Variants in UGT2A1 observed in about 807,000 individuals in gnomAD.
UGT2A1 encodes the protein UDP-glucuronosyltransferase 2A1.
A neutral mutation model predicts 45.4 loss-of-function variants in UGT2A1; 61 were observed. The observed-to-expected ratio is 1.34, with a 90% CI of 1.09 to 1.66. The LOEUF (loss-of-function observed/expected upper bound fraction) is 1.66. UGT2A1 is among the 40% of genes most tolerant of loss of function. The pLI is 0.00. For synonymous variants in UGT2A1, 229 were observed against 196.2 expected (o/e 1.17, Z -1.40); for missense variants, 649 against 574.3 (o/e 1.13, Z -1.33).
rs1181241423 is a variant in UGT2A1 at position 69,605,467 on chromosome 4, C to A, written c.848-6073G>T. Among the ~76,000 whole-genome samples, 2 of 136,540 alleles carry A rather than the reference C, an allele frequency of 1.5e-5. 1 individual carries two copies. The highest frequency in any genetic ancestry group is 3.1e-5 in the Non-Finnish European group (2 of 64,330). The allele number at this position is 136,540 out of a possible 152,430, so 89.6% of individuals were successfully genotyped here. ...AGCACTAAATGCCCACAGAACAGAG[C>A]AGGAAAGATCTAAAATTGACACCCC... On this transcript the variant is annotated intron_variant, in intron 3 of 6. Transcript: ENST00000286604.
At position 69,612,560 on chromosome 4, in the gene UGT2A1, A is replaced by G. The variant is rs373041200; in HGVS notation, c.848-13166T>C. On this transcript the variant is annotated intron_variant, in intron 3 of 6. Transcript: ENST00000286604. Reference sequence around the variant, plus strand: ...AGATAGACGAATGGAGCAGAAAACAAAACTCATTAATAAAGCCACACAAAA... The same window carrying G: ...AGATAGACGAATGGAGCAGAAAACAGAACTCATTAATAAAGCCACACAAAA... Among the ~76,000 whole-genome samples the G allele has an allele frequency of 6.6e-5, 10 of 152,100 alleles. 1 individual carries two copies. The highest frequency in any genetic ancestry group is 2.2e-4 in the African/African-American group (9 of 41,546).
intron 6 of UGT2A1, 99 bp downstream of exon 6, chr4:69,594,378 T>C (rs2109879490): frequency 2.1e-6 from 3 of 1,454,650 alleles, no homozygotes; most frequent in Non-Finnish European, 2.8e-6. Context: ...ATGGTTGTTA[T>C]TGGAAAATAA....
chr4:69,633,998 C>T (rs1325237720), intron 3 of UGT2A1, among the ~76,000 whole-genome samples: 2 of 152,100 alleles, frequency 1.3e-5, no homozygotes, highest in Non-Finnish European at 1.5e-5. Context: ...GTAATCTCAG[C>T]ACTTTGGGAG....
chr4:69,651,475 A>G (rs949843431), intron 1 of UGT2A1, among the ~76,000 whole-genome samples: 2 of 152,220 alleles, frequency 1.3e-5, no homozygotes, highest in Admixed American at 6.5e-5. Flanking sequence ...AGAGAAAAAA[A>G]CTAACGTATT....
At chr4:69,629,554 A>C (rs1435994546) in intron 3 of UGT2A1, among the ~76,000 whole-genome samples, 8 of 152,102 alleles carry the variant, frequency 5.3e-5, no homozygotes, top group Non-Finnish European at 1.0e-4. Flanking sequence ...GAGGTTAGTC[A>C]AACAGGCTCT....
In UGT2A1 at chr4:69,604,245, A is replaced by G. The variant is rs985457545; in HGVS notation, c.848-4851T>C. ...TGGCAGAAACTCTACAAGCCAGAAG[A>G]CAGTGGGGACCAATATTCACCATTC... On this transcript the variant is annotated intron_variant, in intron 3 of 6. Transcript: ENST00000286604. Among the ~76,000 whole-genome samples the G allele has an allele frequency of 5.9e-4, 81 of 137,320 alleles. 16 individuals are homozygous for G. The highest frequency in any genetic ancestry group is 1.1e-3 in the Non-Finnish European group (73 of 64,398). The allele number at this position is 137,320 out of a possible 152,430, so 90.1% of individuals were successfully genotyped here. A position where few individuals can be genotyped will look rare whatever the true frequency, so the allele number is the denominator to read the frequency against.
intron 3 of UGT2A1, among the ~76,000 whole-genome samples, chr4:69,631,086 G>A (rs1252177642): frequency 6.6e-6 from 1 of 151,926 alleles, no homozygotes; most frequent in Non-Finnish European, 1.5e-5. Context: ...TTTCTCATTT[G>A]AAAAAGAGAA....
Position 69,639,318 on chromosome 4 carries a change from G to A in UGT2A1, c.716-3496C>T, listed in dbSNP as rs188429658. 4.5e-4 allele frequency: 728 copies of A among 1,613,628 alleles called. 1 individual carries two copies. In the African/African-American group the frequency reaches 8.7e-3, roughly 19 times the overall value. On this transcript the variant is annotated intron_variant, in intron 2 of 6. Transcript: ENST00000286604. Reference sequence around the variant, plus strand: ...GAAAGCCCATATTGTGAGAGGAGTTGGTCTATGGTCAATCCACAGCATTAT... The same window carrying A: ...GAAAGCCCATATTGTGAGAGGAGTTAGTCTATGGTCAATCCACAGCATTAT...
At chr4:69,637,037 C>T (rs1306957243) in intron 2 of UGT2A1, among the ~76,000 whole-genome samples, 1 of 152,080 alleles carries the variant, frequency 6.6e-6, no homozygotes, top group African/African-American at 2.4e-5. Context: ...CTATCCAATA[C>T]ATAGCTGGGT....
intron 2 of UGT2A1, among the ~76,000 whole-genome samples, chr4:69,642,796 A>G (rs1463068352): frequency 1.3e-5 from 2 of 151,582 alleles, no homozygotes; most frequent in Non-Finnish European, 3.0e-5. Context: ...CCTCTAATAT[A>G]TAGAGATTAT....
chr4:69,652,170 G>A (rs754731597), intron 1 of UGT2A1, among the ~76,000 whole-genome samples: 10 of 111,458 alleles, frequency 9.0e-5, no homozygotes, highest in Non-Finnish European at 1.3e-4. Flanking sequence ...TGATAACTCA[G>A]ATGCCTTCTA....
Position 69,629,051 on chromosome 4 carries a change from C to A in UGT2A1, c.847+6640G>T, listed in dbSNP as rs911536466. 4.6e-5 allele frequency among the ~76,000 whole-genome samples: 7 copies of A among 151,696 alleles called. No homozygotes were observed. The East Asian group carries it at 1.4e-3, about 29-fold the overall frequency. ...TTCTCCTGAACTATGTTAAAGCTAC[C>A]TTTGTCATTTCCCCAGTACCACAAG... On this transcript the variant is annotated intron_variant, in intron 3 of 6. Transcript: ENST00000286604.
At chr4:69,593,466 C>T (rs1009877633) in intron 6 of UGT2A1, among the ~76,000 whole-genome samples, 4 of 151,428 alleles carry the variant, frequency 2.6e-5, no homozygotes, top group African/African-American at 9.7e-5. Context: ...ATTACATATA[C>T]ATATATCATA....
Position 69,596,111 on chromosome 4 carries a change from A to C in UGT2A1, c.997-862T>G, listed in dbSNP as rs183237169. 1.6e-5 allele frequency: 20 copies of C among 1,233,096 alleles called. No homozygotes were observed. In the East Asian group the frequency reaches 5.9e-4, roughly 36 times the overall value. The allele number at this position is 1,233,096 out of a possible 1,614,324, so 76.4% of individuals were successfully genotyped here. A position where few individuals can be genotyped will look rare whatever the true frequency, so the allele number is the denominator to read the frequency against. ...CTAATGTACACAATTTTAATATATT[A>C]CACAACGTTACTTACAACTGTTACT... On this transcript the variant is annotated intron_variant, in intron 4 of 6. Coordinates refer to ENST00000286604, the MANE Select transcript of UGT2A1 (RefSeq NM_001252275.3).
intron 3 of UGT2A1, among the ~76,000 whole-genome samples, chr4:69,606,708 A>C (rs1719646371): frequency 7.3e-6 from 1 of 136,986 alleles, no homozygotes; most frequent in Non-Finnish European, 1.6e-5. Flanking sequence ...TAAGCTGATA[A>C]GCAACTTCAG....
chr4:69,623,851 A>G (rs571146799), intron 3 of UGT2A1, among the ~76,000 whole-genome samples: 7 of 151,686 alleles, frequency 4.6e-5, no homozygotes, highest in Non-Finnish European at 1.0e-4. Flanking sequence ...ATAAAAATAA[A>G]GACTTGAGCA....
Position 69,647,192 on chromosome 4 carries a change from T to C in UGT2A1, c.453A>G (p.Pro151=). ...KSKFEVLVSD[P]VFPCGDIVAL... ...CTACTATATCGCCACAAGGAAATAC[T>C]GGATCAGACACCAGGACTTCAAACT... The change falls in exon 2 of 7, where the codon CCA becomes CCG. Residue 151 remains proline, a synonymous_variant. Coordinates refer to ENST00000286604, the MANE Select transcript of UGT2A1 (RefSeq NM_001252275.3). The C allele has an allele frequency of 6.2e-7, 1 of 1,613,246 alleles. No individual in the cohort carries two copies. Among genetic ancestry groups the C allele is most frequent in the African/African-American group, 1.3e-5 (1 of 74,982 alleles).
chr4:69,594,461 G>A lies in UGT2A1; in HGVS notation c.1304+16C>T, dbSNP rs769529105. On this transcript the variant is annotated intron_variant, in intron 6 of 6. Coordinates refer to ENST00000286604, the MANE Select transcript of UGT2A1 (RefSeq NM_001252275.3). ...TAATTAAAGTTAGGCAAGTTTTTAGGAGCCTTAGTACTTACGAAGGTTCAT... is the reference window on the plus strand; with the variant it reads ...TAATTAAAGTTAGGCAAGTTTTTAGAAGCCTTAGTACTTACGAAGGTTCAT... 2 of 1,607,774 alleles carry A rather than the reference G, an allele frequency of 1.2e-6. No individual in the cohort carries two copies. The highest frequency in any genetic ancestry group is 2.7e-5 in the African/African-American group (2 of 74,500).
chr4:69,626,923 C>T (rs951207116), intron 3 of UGT2A1, among the ~76,000 whole-genome samples: 1 of 151,710 alleles, frequency 6.6e-6, no homozygotes, highest in Non-Finnish European at 1.5e-5. Flanking sequence ...GCACTTTTCA[C>T]TTTTTGGTAT....
Sources: allele counts gnomAD v4.1 joint callset (sites outside exome capture counted in the v4.1 genomes callset), GRCh38; gene constraint gnomAD v4.1.1; transcripts MANE v1.5; gene names NCBI Gene and HGNC (gene_info 2026-07-23, HGNC 2026-07-21).